Variants in UBE2R2 observed in about 807,000 individuals in gnomAD.
The protein encoded by UBE2R2 is ubiquitin-conjugating enzyme E2 R2.
Under a neutral mutation model 27.8 loss-of-function variants are expected in UBE2R2, and 1 was observed. That is an observed-to-expected ratio of 0.04 (90% CI 0.01 to 0.17). The LOEUF is 0.17. Among genes scored for constraint, UBE2R2 ranks in the 10% least tolerant of loss-of-function variants. The probability of loss-of-function intolerance (pLI) is 1.00; values close to 1 mark genes in which losing one functional copy is unlikely to be tolerated. For missense variants in UBE2R2, 100 were observed against 291.0 expected (o/e 0.34, Z 4.78); for synonymous variants, 106 against 113.3 (o/e 0.94, Z 0.41).
intron 1 of UBE2R2, among the ~76,000 whole-genome samples, chr9:33,856,321 A>T (rs1165295778): frequency 3.3e-5 from 5 of 152,170 alleles, no homozygotes; most frequent in African/African-American, 4.8e-5. Context: ...AAATTAAAAA[A>T]CTATTAATAC....
intron 2 of UBE2R2, among the ~76,000 whole-genome samples, chr9:33,899,444 G>A (rs1227774985): frequency 6.6e-6 from 1 of 151,824 alleles, no homozygotes; most frequent in Non-Finnish European, 1.5e-5. Context: ...GCGCGATCTT[G>A]GCTCCCTGCA....
At chr9:33,900,351 C>T in intron 3 of UBE2R2, 80 bp downstream of exon 3, 1 of 1,003,372 alleles carries the variant, frequency 1.0e-6, no homozygotes, top group Admixed American at 2.3e-5. Context: ...TATGTATTGT[C>T]TTTTAACATG....
At chr9:33,886,990 T>A (rs1163763591) in intron 2 of UBE2R2, 23 bp downstream of exon 2, 1 of 1,570,302 alleles carries the variant, frequency 6.4e-7, no homozygotes, top group Non-Finnish European at 8.6e-7. Context: ...CCATCATAAA[T>A]TTCTCTGAAG....
At chr9:33,856,831 G>A (rs28394763) in intron 1 of UBE2R2, among the ~76,000 whole-genome samples, 3 of 143,314 alleles carry the variant, frequency 2.1e-5, no homozygotes, top group South Asian at 2.2e-4. Flanking sequence ...CCATCCATCC[G>A]TCTGTCCGTC....
At chr9:33,841,811 C>T (rs925412506) in intron 1 of UBE2R2, among the ~76,000 whole-genome samples, 3 of 152,046 alleles carry the variant, frequency 2.0e-5, no homozygotes, top group Admixed American at 6.6e-5. Context: ...CTTGTTTTCT[C>T]GTATATTACA....
At chr9:33,877,060 C>G (rs1193814225) in intron 1 of UBE2R2, among the ~76,000 whole-genome samples, 1 of 151,830 alleles carries the variant, frequency 6.6e-6, no homozygotes, top group East Asian at 1.9e-4. Flanking sequence ...AAGAGAACAG[C>G]TTGAATTTGG....
chr9:33,895,929 T>G (rs544154514), intron 2 of UBE2R2, among the ~76,000 whole-genome samples: 1 of 151,792 alleles, frequency 6.6e-6, no homozygotes, highest in East Asian at 1.9e-4. Context: ...TGAGCCACCA[T>G]GTCTGGCAAA....
chr9:33,892,237 C>T (rs1190283947), intron 2 of UBE2R2, among the ~76,000 whole-genome samples: 1 of 152,078 alleles, frequency 6.6e-6, no homozygotes, highest in Non-Finnish European at 1.5e-5. Flanking sequence ...TGGTTACATT[C>T]TGGTCATATT....
intron 2 of UBE2R2, among the ~76,000 whole-genome samples, chr9:33,890,673 A>G (rs548174558): frequency 7.9e-5 from 12 of 151,704 alleles, no homozygotes. Context: ...AGCCAGGCGC[A>G]GTGGCAGGTG....
At chr9:33,824,319 C>T (rs1004908062) in intron 1 of UBE2R2, among the ~76,000 whole-genome samples, 3 of 151,470 alleles carry the variant, frequency 2.0e-5, no homozygotes, top group Non-Finnish European at 4.4e-5. Context: ...TGGTGAAACC[C>T]GGTCTCCACT....
intron 1 of UBE2R2, among the ~76,000 whole-genome samples, chr9:33,870,224 C>G (rs1250650803): frequency 6.6e-6 from 1 of 152,068 alleles, no homozygotes; most frequent in Non-Finnish European, 1.5e-5. Flanking sequence ...CTCATTGCCA[C>G]CTCTGCCTCC....
At chr9:33,860,152 CA>C (rs1821198031) in intron 1 of UBE2R2, among the ~76,000 whole-genome samples, 1 of 151,304 alleles carries the variant, frequency 6.6e-6, no homozygotes, top group Non-Finnish European at 1.5e-5. Context: ...GCACGTTTCT[CA>C]AGTAATTATG....
At position 33,918,008 on chromosome 9, in the gene UBE2R2, A is replaced by G. The variant is rs1286749876; in HGVS notation, c.*771A>G. 6.5e-6 allele frequency: 1 copy of G among 153,718 alleles called. No individual in the cohort carries two copies. Among genetic ancestry groups the G allele is most frequent in the East Asian group, 1.9e-4 (1 of 5,178 alleles). The allele number at this position is 153,718 out of a possible 1,614,324, so 9.5% of individuals were successfully genotyped here. On this transcript the variant is annotated 3_prime_UTR_variant, in exon 5 of 5. Transcript: ENST00000263228. ...CCATAGAACTGAGCACTTGGTTGCT[A>G]TTTATTTTAAAGGCAGGGTTATTTC...
intron 1 of UBE2R2, among the ~76,000 whole-genome samples, chr9:33,853,915 C>G (rs1235358615): frequency 1.3e-5 from 2 of 151,776 alleles, no homozygotes; most frequent in Non-Finnish European, 2.9e-5. Context: ...AGGCTGGTCT[C>G]AAGCTCTTGG....
intron 1 of UBE2R2, among the ~76,000 whole-genome samples, chr9:33,859,799 T>TGTGTGTGTGTGTGTGAGA (rs766779268): frequency 3.5e-5 from 3 of 86,520 alleles, no homozygotes; most frequent in Non-Finnish European, 7.2e-5. Context: ...TGTGTGTGTG[T>TGTGTGTGTGTGTGTGAGA]GAGAGAGAGA....
chr9:33,871,911 A>G (rs2130780593), intron 1 of UBE2R2, among the ~76,000 whole-genome samples: 1 of 151,988 alleles, frequency 6.6e-6, no homozygotes, highest in East Asian at 1.9e-4. Flanking sequence ...ACGTGTTTTC[A>G]CCATGTTAGC....
chr9:33,859,571 A>G (rs1368192874), intron 1 of UBE2R2, among the ~76,000 whole-genome samples: 1 of 152,184 alleles, frequency 6.6e-6, no homozygotes. Flanking sequence ...AAAACTTACT[A>G]GAACTAGTAT....
Position 33,920,346 on chromosome 9 carries a change from C to CCAT in UBE2R2, c.*3111_*3113dup, listed in dbSNP as rs1325937754. 1 of 151,684 alleles carries CCAT rather than the reference C, an allele frequency of 6.6e-6. No homozygotes were observed. The highest frequency in any genetic ancestry group is 2.4e-5 in the African/African-American group (1 of 41,140). The allele number at this position is 151,684 out of a possible 1,614,324, so 9.4% of individuals were successfully genotyped here. On this transcript the variant is annotated 3_prime_UTR_variant, in exon 5 of 5. Coordinates refer to ENST00000263228, the MANE Select transcript of UBE2R2 (RefSeq NM_017811.4). ...AGTGGTTTATTTTGTCTTTTTCTGCCCATCTGTCTACTAATAAAATGTGAA... is the reference window on the plus strand; with the variant it reads ...AGTGGTTTATTTTGTCTTTTTCTGCCCATCATCTGTCTACTAATAAAATGTGAA...
At chr9:33,877,835 C>CTT (rs1277153247) in intron 1 of UBE2R2, among the ~76,000 whole-genome samples, 3 of 139,110 alleles carry the variant, frequency 2.2e-5, no homozygotes, top group African/African-American at 3.2e-5. Flanking sequence ...CTCTCTCTCT[C>CTT]TCTCTCTCTC....
Sources: gnomAD v4.1 joint callset for allele counts (sites outside exome capture counted in the v4.1 genomes callset) on GRCh38, gnomAD v4.1.1 for gene constraint, MANE v1.5 for transcripts, NCBI Gene and HGNC (gene_info 2026-07-23, HGNC 2026-07-21) for gene names.